STARD3: variants seen among roughly 807,000 people sequenced by gnomAD.
The protein encoded by STARD3 is stAR-related lipid transfer protein 3.
In STARD3, 39 loss-of-function variants were observed where a neutral mutation model predicts 62.0. That is an observed-to-expected ratio of 0.63 (90% CI 0.49 to 0.82). The LOEUF is 0.82. STARD3 is among the 40% of genes least tolerant of loss of function. The pLI is 0.00. For missense variants in STARD3, 543 were observed against 584.5 expected, an observed-to-expected ratio of 0.93 and a Z score of 0.73; for synonymous variants, 229 against 242.4, an observed-to-expected ratio of 0.94 and a Z score of 0.51.
At chr17:39,645,516 C>T (rs534230110) in intron 1 of STARD3, among the ~76,000 whole-genome samples, 4 of 152,216 alleles carry the variant, frequency 2.6e-5, no homozygotes, top group African/African-American at 9.6e-5. Flanking sequence ...GTCACCCGGG[C>T]GGGGGTGCAA....
rs566201037 is a variant in STARD3 at position 39,640,138 on chromosome 17, T to C, written c.-52+2907T>C. ...CCGCATGTTGCATTAAGTTGAGCTC[T>C]CACACAGCTAGACTTGTTAAGGGAG... On this transcript the variant is annotated intron_variant, in intron 1 of 14. Transcript: ENST00000336308. Among the ~76,000 whole-genome samples, 3 of 152,294 alleles carry C rather than the reference T, an allele frequency of 2.0e-5. No individual in the cohort carries two copies. The East Asian group carries it at 5.8e-4, about 29-fold the overall frequency.
In STARD3 at chr17:39,653,511, C is replaced by G; in HGVS notation, c.-21C>G. 1.3e-6 allele frequency: 2 copies of G among 1,599,644 alleles called. No individual in the cohort carries two copies. Among genetic ancestry groups the G allele is most frequent in the Non-Finnish European group, 1.7e-6 (2 of 1,178,980 alleles). On this transcript the variant is annotated 5_prime_UTR_variant, in exon 2 of 15. Transcript: ENST00000336308. ...CTGCTGAGGCCGCGCCCTCCCCGCC[C>G]TGAGGTGGGGGCCCACCAGGATGAG...
intron 2 of STARD3, among the ~76,000 whole-genome samples, chr17:39,654,271 G>T (rs980222652): frequency 6.6e-6 from 1 of 152,212 alleles, no homozygotes; most frequent in South Asian, 2.1e-4. Context: ...GTGTGGTGGT[G>T]CACACCTGTT....
At chr17:39,658,988 C>T in intron 7 of STARD3, 63 bp from the exon 8 acceptor site, 1 of 1,606,418 alleles carries the variant, frequency 6.2e-7, no homozygotes, top group Non-Finnish European at 8.5e-7. Flanking sequence ...TACCCGAACC[C>T]CACTACCTCC....
At chr17:39,645,286 C>T (rs113435580) in intron 1 of STARD3, among the ~76,000 whole-genome samples, 12 of 152,308 alleles carry the variant, frequency 7.9e-5, no homozygotes, top group African/African-American at 2.9e-4. Flanking sequence ...AGCTGGATAA[C>T]CTGGCCTTTC....
Position 39,660,645 on chromosome 17 carries a change from A to C in STARD3, c.954+119A>C. The stretch of plus-strand genomic sequence containing the variant: ...TCTGTACAGTGGGTGTGATGGTAAC[A>C]GTGCCTGCTCGGGAGGGTCGGGAGG... On this transcript the variant is annotated intron_variant, in intron 11 of 14. Transcript: ENST00000336308. The surrounding 1 kb of genome is among the most constrained non-coding windows in gnomAD (Gnocchi z 4.8). The C allele has an allele frequency of 1.5e-6, 2 of 1,377,432 alleles. No homozygotes were observed. The highest frequency in any genetic ancestry group is 2.0e-6 in the Non-Finnish European group (2 of 978,236). The allele number at this position is 1,377,432 out of a possible 1,614,324, so 85.3% of individuals were successfully genotyped here.
chr17:39,650,320 C>T (rs752284836), intron 1 of STARD3, among the ~76,000 whole-genome samples: 3 of 152,100 alleles, frequency 2.0e-5, no homozygotes, highest in Admixed American at 6.5e-5. Context: ...AGCTGAGTCA[C>T]GCCAGATTGC....
At chr17:39,644,180 C>T (rs2057004753) in intron 1 of STARD3, among the ~76,000 whole-genome samples, 1 of 152,170 alleles carries the variant, frequency 6.6e-6, no homozygotes, top group Non-Finnish European at 1.5e-5. Context: ...GGAGAACCCA[C>T]TCTGCCCAGA....
In STARD3 at chr17:39,653,682, C is replaced by G. The variant is rs1482607550; in HGVS notation, c.151C>G (p.Arg51Gly). Residue 51 changes from arginine to glycine, a missense_variant, in exon 2 of 15, where the codon CGC becomes GGC. Physicochemically the swap from Arg to Gly is moderately radical, Grantham distance 125. Coordinates refer to ENST00000336308, the MANE Select transcript of STARD3 (RefSeq NM_006804.4). ...EKRRAISDVR[R>G]TFCLFVTFDL... ...GCGAAGGGCCATCTCTGATGTCCGC[C>G]GCACCTTCTGTCTCTTCGTCACCTT... The G allele has an allele frequency of 1.2e-6, 2 of 1,614,200 alleles. No individual in the cohort carries two copies. The highest frequency in any genetic ancestry group is 2.2e-5 in the East Asian group (1 of 44,884).
In STARD3 at chr17:39,660,167, CCT is replaced by C. The variant is rs745527386; in HGVS notation, c.796-43_796-42del. ...CCATTTCTGTGCCACCAGCCCACCC[CCT>C]GCCTCCACTCTCCTCCCTGCCACCT... On this transcript the variant is annotated intron_variant, in intron 9 of 14. Coordinates refer to ENST00000336308, the MANE Select transcript of STARD3 (RefSeq NM_006804.4). This position sits in a 1 kb window ranked among gnomAD's most constrained non-coding sequence, Gnocchi z 4.8. 16 of 1,608,674 alleles carry C rather than the reference CCT, an allele frequency of 9.9e-6. No homozygotes were observed. Among genetic ancestry groups the C allele is most frequent in the Non-Finnish European group, 1.3e-5 (15 of 1,175,284 alleles).
chr17:39,640,093 A>G (rs755907037), intron 1 of STARD3, among the ~76,000 whole-genome samples: 1 of 152,242 alleles, frequency 6.6e-6, no homozygotes, highest in African/African-American at 2.4e-5. Flanking sequence ...TGTGTCCAGC[A>G]TACTGTAGGC....
At chr17:39,662,126 C>T (rs2057205724) in intron 13 of STARD3, 125 bp from the exon 14 acceptor site, 1 of 819,204 alleles carries the variant, frequency 1.2e-6, no homozygotes, top group Admixed American at 2.2e-5. Context: ...TAGGGTAGCT[C>T]TGCCTTTCTG....
Position 39,663,644 on chromosome 17 carries a change from C to T in STARD3, c.*736C>T, listed in dbSNP as rs2057227383. 6.9e-6 allele frequency among the ~76,000 whole-genome samples: 1 copy of T among 145,434 alleles called. No individual in the cohort carries two copies. The highest frequency in any genetic ancestry group is 2.5e-5 in the African/African-American group (1 of 39,684). On this transcript the variant is annotated 3_prime_UTR_variant, in exon 15 of 15. Coordinates refer to ENST00000336308, the MANE Select transcript of STARD3 (RefSeq NM_006804.4). ...ACATGCCCCCCATTCCCCCCCCGCCCACCCCCCACTCCCCGCTTTCCTGAC... is the reference window on the plus strand; with the variant it reads ...ACATGCCCCCCATTCCCCCCCCGCCTACCCCCCACTCCCCGCTTTCCTGAC...
chr17:39,658,129 C>T (rs376485401), intron 5 of STARD3, 103 bp downstream of exon 5: 60 of 1,301,162 alleles, frequency 4.6e-5, no homozygotes, highest in South Asian at 6.4e-5. Flanking sequence ...CCCTGTTGTC[C>T]GGGTTAGGGG....
chr17:39,650,546 G>A (rs1000896254), intron 1 of STARD3, among the ~76,000 whole-genome samples: 2 of 152,140 alleles, frequency 1.3e-5, no homozygotes, highest in East Asian at 1.9e-4. Flanking sequence ...AGTGACTCAC[G>A]CCTGTAATCC....
Position 39,660,276 on chromosome 17 carries a change from G to GAGT in STARD3, c.858+4_858+6dup. 6.2e-7 allele frequency: 1 copy of GAGT among 1,614,064 alleles called. No homozygotes were observed. Among genetic ancestry groups the GAGT allele is most frequent in the Non-Finnish European group, 8.5e-7 (1 of 1,180,034 alleles). On this transcript the variant is annotated splice_donor_region_variant and intron_variant, in intron 10 of 14. Coordinates refer to ENST00000336308, the MANE Select transcript of STARD3 (RefSeq NM_006804.4). This position sits in a 1 kb window ranked among gnomAD's most constrained non-coding sequence, Gnocchi z 4.8. ...ACGGCAAGACGTTTATCCTGAAGGTGAGTGAGGGGAGCGGGTGTCCTGGAG... is the reference window on the plus strand; with the variant it reads ...ACGGCAAGACGTTTATCCTGAAGGTGAGTAGTGAGGGGAGCGGGTGTCCTGGAG...
intron 1 of STARD3, among the ~76,000 whole-genome samples, chr17:39,648,689 T>C (rs1466302603): frequency 6.6e-6 from 1 of 152,170 alleles, no homozygotes; most frequent in East Asian, 1.9e-4. Context: ...ACCCCCTTTC[T>C]TTGACTCTTG....
chr17:39,658,696 G>A, intron 6 of STARD3, 26 bp from the exon 7 acceptor site: 2 of 1,613,662 alleles, frequency 1.2e-6, no homozygotes, highest in Non-Finnish European at 1.7e-6. Context: ...ACTGTCCTCG[G>A]TCCGGGACCG....
chr17:39,654,496 G>T (rs761307429), intron 2 of STARD3, among the ~76,000 whole-genome samples: 1 of 152,222 alleles, frequency 6.6e-6, no homozygotes, highest in Non-Finnish European at 1.5e-5. Context: ...CTGCCGGGCA[G>T]CCTGGAGACC....
Sources: gnomAD v4.1 joint callset for allele counts (sites outside exome capture counted in the v4.1 genomes callset) on GRCh38, gnomAD v4.1.1 for gene constraint, Gnocchi (gnomAD v3.1) non-coding constraint, MANE v1.5 for transcripts, NCBI Gene and HGNC (gene_info 2026-07-23, HGNC 2026-07-21) for gene names.